The following CALN1 variants were observed in gnomAD, a reference collection of about 807,000 sequenced individuals.
CALN1 encodes the protein calcium-binding protein 8.
CALN1 carries 17 observed loss-of-function variants against 30.6 expected under a neutral mutation model. That is an observed-to-expected ratio of 0.56 (90% CI 0.38 to 0.83). The LOEUF is 0.83. Ranked by LOEUF, CALN1 falls within the 40% of genes least tolerant of loss-of-function variation. The probability of loss-of-function intolerance (pLI) is 0.00; values close to 1 mark genes in which losing one functional copy is unlikely to be tolerated. For synonymous variants in CALN1, 156 were observed against 131.4 expected (o/e 1.19, Z -1.28); for missense variants, 291 against 354.9 (o/e 0.82, Z 1.45).
At chr7:72,261,428 T>TC (rs1796265894) in intron 3 of CALN1, among the ~76,000 whole-genome samples, 1 of 25,246 alleles carries the variant, frequency 4.0e-5, no homozygotes, top group Non-Finnish European at 7.3e-5. Flanking sequence ...TTTCAGAAGC[T>TC]TTTTTTTTTT....
At chr7:72,142,517 C>T (rs1012960787) in intron 3 of CALN1, among the ~76,000 whole-genome samples, 1 of 152,216 alleles carries the variant, frequency 6.6e-6, no homozygotes, top group Non-Finnish European at 1.5e-5. Flanking sequence ...AGGAGGCCTG[C>T]CTGCCTGCCT....
intron 3 of CALN1, among the ~76,000 whole-genome samples, chr7:72,197,826 A>T (rs1791140804): frequency 6.6e-6 from 1 of 152,172 alleles, no homozygotes; most frequent in South Asian, 2.1e-4. Flanking sequence ...ACTGCACTCT[A>T]GCCTGGACAA....
In CALN1 at chr7:71,945,053, T is replaced by G. The variant is rs897314311; in HGVS notation, c.501+78604A>C. Among the ~76,000 whole-genome samples the G allele has an allele frequency of 5.9e-5, 9 of 152,304 alleles. No individual in the cohort carries two copies. The East Asian group carries it at 1.7e-3, about 29-fold the overall frequency. On this transcript the variant is annotated intron_variant, in intron 5 of 6. Transcript: ENST00000395275. Reference sequence around the variant, plus strand: ...AGGGGCGGATCCCTCATGAATGTCTTGAGGCCCTCCCCACAGTAATAAGTA... The same window carrying G: ...AGGGGCGGATCCCTCATGAATGTCTGGAGGCCCTCCCCACAGTAATAAGTA...
At chr7:71,962,260 A>G (rs1797286622) in intron 5 of CALN1, among the ~76,000 whole-genome samples, 1 of 151,640 alleles carries the variant, frequency 6.6e-6, no homozygotes, top group African/African-American at 2.4e-5. Flanking sequence ...AAAATCAGTC[A>G]TGCCTGGTGG....
chr7:72,379,042 G>A (rs1407922138), intron 2 of CALN1, among the ~76,000 whole-genome samples: 5 of 152,232 alleles, frequency 3.3e-5, no homozygotes, highest in South Asian at 2.1e-4. Context: ...TGAGATAAAC[G>A]TTCACTTGGT....
chr7:72,064,896 T>C (rs1442016323), intron 4 of CALN1, among the ~76,000 whole-genome samples: 1 of 151,494 alleles, frequency 6.6e-6, no homozygotes, highest in Non-Finnish European at 1.5e-5. Flanking sequence ...GCTGATCTTT[T>C]TAAAAAAAAA....
intron 5 of CALN1, among the ~76,000 whole-genome samples, chr7:71,859,386 C>G (rs1156776616): frequency 6.6e-6 from 1 of 152,112 alleles, no homozygotes; most frequent in Non-Finnish European, 1.5e-5. Flanking sequence ...CTCCGGACAC[C>G]AAGTCAGTCT....
chr7:72,180,577 C>A (rs1375932003), intron 3 of CALN1, among the ~76,000 whole-genome samples: 6 of 108,736 alleles, frequency 5.5e-5, no homozygotes, highest in African/African-American at 2.0e-4. Context: ...GTTACTTGGG[C>A]TATTTGAAAT....
At chr7:72,302,486 C>T (rs1799340244) in intron 2 of CALN1, among the ~76,000 whole-genome samples, 1 of 152,136 alleles carries the variant, frequency 6.6e-6, no homozygotes, top group African/African-American at 2.4e-5. Context: ...AAGACAGAGG[C>T]TTAGAAAGTT....
chr7:71,980,198 T>C (rs1798322303), intron 5 of CALN1, among the ~76,000 whole-genome samples: 1 of 148,724 alleles, frequency 6.7e-6, no homozygotes, highest in African/African-American at 2.5e-5. Context: ...TTTTTTTTTT[T>C]TTTTTTGAGA....
chr7:72,388,501 A>G (rs1025014095), intron 2 of CALN1, among the ~76,000 whole-genome samples: 35 of 152,334 alleles, frequency 2.3e-4, no homozygotes, highest in African/African-American at 7.7e-4. Context: ...AAAGTGGTTC[A>G]TTAACCGCAG....
chr7:72,261,518 G>A (rs1005672445), intron 3 of CALN1, among the ~76,000 whole-genome samples: 1 of 151,560 alleles, frequency 6.6e-6, no homozygotes, highest in Non-Finnish European at 1.5e-5. Context: ...TCAAAGTCCT[G>A]GGCTTAAGCA....
intron 5 of CALN1, among the ~76,000 whole-genome samples, chr7:71,817,628 G>C (rs1175858294): frequency 1.3e-5 from 2 of 152,150 alleles, no homozygotes; most frequent in Non-Finnish European, 2.9e-5. Context: ...TGGTTCTTCT[G>C]CCTCAGCCTC....
intron 2 of CALN1, among the ~76,000 whole-genome samples, chr7:72,370,635 T>C (rs901695689): frequency 5.4e-5 from 8 of 147,162 alleles, no homozygotes; most frequent in African/African-American, 2.0e-4. Context: ...CCAGCTTGGG[T>C]GACAGAGCGA....
At chr7:72,365,352 AATT>A (rs1352122255) in intron 2 of CALN1, among the ~76,000 whole-genome samples, 1 of 152,128 alleles carries the variant, frequency 6.6e-6, no homozygotes, top group Non-Finnish European at 1.5e-5. Context: ...AAAAAATAAT[AATT>A]ATATCTTCAG....
intron 3 of CALN1, among the ~76,000 whole-genome samples, chr7:72,265,860 G>A (rs1414994849): frequency 6.6e-6 from 1 of 151,970 alleles, no homozygotes; most frequent in Non-Finnish European, 1.5e-5. Context: ...AAGGCTGGGC[G>A]CAGTGGCTCA....
chr7:71,829,387 T>C (rs901495007), intron 5 of CALN1, among the ~76,000 whole-genome samples: 12 of 152,178 alleles, frequency 7.9e-5, no homozygotes, highest in Admixed American at 3.9e-4. Context: ...CACCTTGGTG[T>C]CAGCCCAAGG....
chr7:72,128,010 C>G (rs1054896181), intron 3 of CALN1, among the ~76,000 whole-genome samples: 2 of 151,972 alleles, frequency 1.3e-5, no homozygotes, highest in African/African-American at 4.8e-5. Flanking sequence ...CAATGAAATA[C>G]AATCAGCAAA....
intron 6 of CALN1, among the ~76,000 whole-genome samples, chr7:71,800,809 A>T (rs1437175224): frequency 6.7e-6 from 1 of 149,074 alleles, no homozygotes; most frequent in Non-Finnish European, 1.5e-5. Flanking sequence ...CTCAGCAATT[A>T]AAAAAAAAAT....
Sources: gnomAD v4.1 joint callset for allele counts (sites outside exome capture counted in the v4.1 genomes callset) on GRCh38, gnomAD v4.1.1 for gene constraint, MANE v1.5 for transcripts, NCBI Gene and HGNC (gene_info 2026-07-23, HGNC 2026-07-21) for gene names.